Variants in PAPLN observed in about 807,000 individuals in gnomAD.
The protein encoded by PAPLN is papilin.
PAPLN carries 146 observed loss-of-function variants against 159.0 expected under a neutral mutation model. The ratio of observed to expected loss-of-function variants is 0.92; its 90% CI spans 0.80 to 1.05. PAPLN has a LOEUF of 1.05. Ranked by LOEUF, PAPLN falls within the 50% of genes least tolerant of loss-of-function variation. The pLI is 0.00. For missense variants in PAPLN, 1,720 were observed against 1,743.9 expected (o/e 0.99, Z 0.24); for synonymous variants, 734 against 702.9 (o/e 1.04, Z -0.70).
intron 14 of PAPLN, among the ~76,000 whole-genome samples, chr14:73,257,380 C>G (rs1322557894): frequency 6.7e-6 from 1 of 149,442 alleles, no homozygotes; most frequent in Admixed American, 6.7e-5. Flanking sequence ...CCCAAGCACT[C>G]AGAGCAACTT....
At chr14:73,247,197 T>C (rs1884502459) in intron 5 of PAPLN, among the ~76,000 whole-genome samples, 1 of 152,158 alleles carries the variant, frequency 6.6e-6, no homozygotes, top group East Asian at 1.9e-4. Flanking sequence ...CAAGACTTCA[T>C]TTATCAAGGA....
chr14:73,252,767 G>GA lies in PAPLN; in HGVS notation c.1087dup (p.Thr363AsnfsTer31). The GA allele has an allele frequency of 6.2e-7, 1 of 1,613,424 alleles. No individual in the cohort carries two copies. The highest frequency in any genetic ancestry group is 8.5e-7 in the Non-Finnish European group (1 of 1,179,996). On this transcript the variant is annotated frameshift_variant, in exon 11 of 27. Transcript: ENST00000644200. LOFTEE classifies it high-confidence loss of function. ...CCTGCAATCTTCACCCTTGCCCGGAGACCAAGCGGTGAGACCTTGCCAGCC... is the reference window on the plus strand; with the variant it reads ...CCTGCAATCTTCACCCTTGCCCGGAGAACCAAGCGGTGAGACCTTGCCAGCC...
chr14:73,261,979 T>C lies in PAPLN; in HGVS notation c.2246-371T>C, dbSNP rs45497691. 26 of 227,152 alleles carry C rather than the reference T, an allele frequency of 1.1e-4. 1 individual carries two copies. The highest frequency in any genetic ancestry group is 1.9e-4 in the Non-Finnish European group (22 of 117,102). The allele number at this position is 227,152 out of a possible 1,614,324, so 14.1% of individuals were successfully genotyped here. On this transcript the variant is annotated intron_variant, in intron 18 of 26. Transcript: ENST00000644200. ...ACGCCCTGGGTGGCTCAGGTCTGTG[T>C]CCCTATCACAAGCTAAGCAGGCAGG... is the stretch of plus-strand genomic sequence containing the variant.
intron 14 of PAPLN, among the ~76,000 whole-genome samples, 188 bp from the exon 15 acceptor site, chr14:73,258,791 C>T (rs1364486149): frequency 6.6e-6 from 1 of 152,054 alleles, no homozygotes; most frequent in Non-Finnish European, 1.5e-5. Context: ...TGACTGGAGA[C>T]TTTTGAAGAG....
rs2140281076 is a variant in PAPLN at position 73,261,283 on chromosome 14, A to G, written c.2234A>G (p.Gln745Arg). 1 of 1,613,788 alleles carries G rather than the reference A, an allele frequency of 6.2e-7. No individual in the cohort carries two copies. The highest frequency in any genetic ancestry group is 2.2e-5 in the East Asian group (1 of 44,884). The part of the protein sequence containing the change: ...AGPLGEGCVG[Q>R]PSHAYPVRCL... The stretch of plus-strand genomic sequence containing the variant: ...CCTCTTGGGGAAGGCTGTGTGGGCC[A>G]GCCCAGCCATGGTGAGTGGACACCC... The change falls in exon 18 of 27, where the codon CAG becomes CGG. Residue 745 changes from glutamine (Q) to arginine (R), a missense_variant. By Grantham distance (43) the Gln-to-Arg change is conservative. Transcript: ENST00000644200.
intron 14 of PAPLN, among the ~76,000 whole-genome samples, chr14:73,258,415 TTTTTTG>T (rs1343505580): frequency 6.6e-6 from 1 of 152,094 alleles, no homozygotes; most frequent in African/African-American, 2.4e-5. Context: ...GTATGTTCTG[TTTTTTG>T]TTTTATGTGG....
chr14:73,244,610 G>A (rs1393395681), intron 2 of PAPLN, 34 bp from the exon 3 acceptor site: 5 of 1,518,458 alleles, frequency 3.3e-6, no homozygotes, highest in Non-Finnish European at 3.6e-6. Flanking sequence ...GGCTGTGAGT[G>A]GGCAATGCTG....
chr14:73,253,130 G>C (rs772687730), intron 11 of PAPLN: 11 of 1,391,802 alleles, frequency 7.9e-6, no homozygotes, highest in Non-Finnish European at 1.0e-5. Context: ...GGGCCTGTTG[G>C]CATCGGCCAT....
At chr14:73,239,439 T>C (rs1305503191) in intron 1 of PAPLN, among the ~76,000 whole-genome samples, 1 of 152,206 alleles carries the variant, frequency 6.6e-6, no homozygotes, top group Admixed American at 6.5e-5. Flanking sequence ...TAAAAGTGAG[T>C]CTAATTACTC....
rs1461762713 is a variant in PAPLN, at chr14:73,264,731, G to A, written c.3125+5G>A. ...ACACCCACAGCCTGCAAACAGGTAA[G>A]AACTCAGCAATGCCATCTTGCCCTC... On this transcript the variant is annotated splice_donor_5th_base_variant and intron_variant, in intron 22 of 26. Transcript: ENST00000644200. 7 of 1,612,640 alleles carry A rather than the reference G, an allele frequency of 4.3e-6. No individual in the cohort carries two copies. The highest frequency in any genetic ancestry group is 5.9e-6 in the Non-Finnish European group (7 of 1,179,770).
Position 73,259,647 on chromosome 14 carries a change from G to A in PAPLN, c.1985+102G>A, listed in dbSNP as rs1002609469. 4 of 1,353,386 alleles carry A rather than the reference G, an allele frequency of 3.0e-6. No individual in the cohort carries two copies. In the African/African-American group the frequency reaches 4.5e-5, roughly 15 times the overall value. 83.8% of individuals were successfully genotyped at this position (1,353,386 alleles called of 1,614,324 possible). On this transcript the variant is annotated intron_variant, in intron 16 of 26. Transcript: ENST00000644200. ...TGATCAGAAGAGGGCTGGGGTGGGT[G>A]TGCAGAGCTCAGGAATAGGATGCCC...
chr14:73,272,472 C>T, intron 26 of PAPLN, 23 bp from the exon 27 acceptor site: 1 of 1,492,476 alleles, frequency 6.7e-7, no homozygotes, highest in Non-Finnish European at 9.0e-7. Context: ...TCACCACCTT[C>T]TCTCTCCCCT....
chr14:73,244,379 G>A (rs1314931204), intron 2 of PAPLN: 2 of 392,986 alleles, frequency 5.1e-6, no homozygotes, highest in African/African-American at 4.2e-5. Flanking sequence ...AGTGGCCCCT[G>A]AAACTCCAAA....
intron 14 of PAPLN, among the ~76,000 whole-genome samples, chr14:73,256,289 G>A (rs1885895870): frequency 6.6e-6 from 1 of 152,184 alleles, no homozygotes; most frequent in African/African-American, 2.4e-5. Flanking sequence ...CCAGCACTTT[G>A]GGAGGCTGAG....
Position 73,264,381 on chromosome 14 carries a change from G to A in PAPLN, c.2986+46G>A, listed in dbSNP as rs759367622. The A allele has an allele frequency of 3.1e-6, 5 of 1,588,344 alleles. No homozygotes were observed. In the Admixed American group the frequency reaches 8.5e-5, roughly 27 times the overall value. On this transcript the variant is annotated intron_variant, in intron 21 of 26. Coordinates refer to ENST00000644200, the MANE Select transcript of PAPLN (RefSeq NM_001365906.3). Reference sequence around the variant, plus strand: ...CACCAGTGCGTTCTCAGGGGCCCGAGTGGGAAGGCCAGGATGGGGAGCCTG... The same window carrying A: ...CACCAGTGCGTTCTCAGGGGCCCGAATGGGAAGGCCAGGATGGGGAGCCTG...
Position 73,259,029 on chromosome 14 carries a change from C to T in PAPLN, c.1678C>T (p.Pro560Ser), listed in dbSNP as rs750888636. Reference sequence around the variant, plus strand: ...CACCCCTGCCAGCAACCCCTGGATGCCGTTGGGCCCTCAGGAGTCCCCTGC... The same window carrying T: ...CACCCCTGCCAGCAACCCCTGGATGTCGTTGGGCCCTCAGGAGTCCCCTGC... ...VHTPASNPWM[P>S]LGPQESPASD... is the part of the protein sequence containing the mutation. The change falls in exon 15 of 27, where the codon CCG becomes TCG. Residue 560 changes from proline (P) to serine (S), a missense_variant. Pro to Ser is a moderately conservative substitution (Grantham distance 74). Coordinates refer to ENST00000644200, the MANE Select transcript of PAPLN (RefSeq NM_001365906.3). The T allele has an allele frequency of 9.3e-6, 15 of 1,612,530 alleles. No individual in the cohort carries two copies. In the East Asian group the frequency reaches 2.9e-4, roughly 31 times the overall value.
chr14:73,244,677 G>T lies in PAPLN; in HGVS notation c.88G>T (p.Gly30Ter). The change falls in exon 3 of 27, where the codon GGA becomes TGA. Residue 30 changes from glycine (G) to a stop codon, truncating the protein, a stop_gained. Transcript: ENST00000644200. LOFTEE classifies it high-confidence loss of function. ...GGTGAGGCGGCAGAGTGACACCTGG[G>T]GACCCTGGAGCCAGTGGAGCCCCTG... ...PKVRRQSDTWGPWSQWSPCSR... is the reference protein window; with the variant it reads ...PKVRRQSDTW The T allele has an allele frequency of 6.3e-7, 1 of 1,595,770 alleles. No homozygotes were observed. Among genetic ancestry groups the T allele is most frequent in the East Asian group, 2.3e-5 (1 of 43,748 alleles).
chr14:73,249,978 C>T lies in PAPLN; in HGVS notation c.335-6C>T, dbSNP rs778198505. 2.5e-6 allele frequency: 4 copies of T among 1,599,846 alleles called. No homozygotes were observed. The Admixed American group carries it at 5.1e-5, about 20-fold the overall frequency. ...GATCTCAGTCTTGCCTTCCTGCCCA[C>T]CCCAGCCCCAAACAAGTGTGAACTG... On this transcript the variant is annotated splice_polypyrimidine_tract_variant and splice_region_variant and intron_variant, in intron 5 of 26. Coordinates refer to ENST00000644200, the MANE Select transcript of PAPLN (RefSeq NM_001365906.3).
chr14:73,266,543 G>A lies in PAPLN; in HGVS notation c.3306G>A (p.Val1102=). 2 of 1,614,194 alleles carry A rather than the reference G, an allele frequency of 1.2e-6. No homozygotes were observed. The highest frequency in any genetic ancestry group is 1.7e-6 in the Non-Finnish European group (2 of 1,180,034). The change falls in exon 24 of 27, where the codon GTG becomes GTA. Residue 1102 remains valine, a synonymous_variant. Transcript: ENST00000644200. ...ATGGCTCCCTGGTCATTAGCCGAGT[G>A]GCTGTAGAAGATGGCGGCTTCTACA... is the stretch of plus-strand genomic sequence containing the variant. The part of the protein sequence containing the change: ...QPDGSLVISR[V]AVEDGGFYTC...
Sources: gnomAD v4.1 joint callset for allele counts (sites outside exome capture counted in the v4.1 genomes callset) on GRCh38, gnomAD v4.1.1 for gene constraint, MANE v1.5 for transcripts, NCBI Gene and HGNC (gene_info 2026-07-23, HGNC 2026-07-21) for gene names.